The following HS3ST5 variants were observed in gnomAD, a reference collection of about 807,000 sequenced individuals.
HS3ST5 encodes the protein heparan sulfate-glucosamine 3-sulfotransferase 5, also known as heparan sulfate glucosamine 3-O-sulfotransferase 5.
A neutral mutation model predicts 25.4 loss-of-function variants in HS3ST5; 10 were observed. That is an observed-to-expected ratio of 0.39 (90% CI 0.24 to 0.67). The LOEUF (loss-of-function observed/expected upper bound fraction) is 0.67, where lower values mean the gene tolerates loss of function less well. Among genes scored for constraint, HS3ST5 ranks in the 30% least tolerant of loss-of-function variants. The probability of loss-of-function intolerance (pLI) is 0.44; values close to 1 mark genes in which losing one functional copy is unlikely to be tolerated. For synonymous variants in HS3ST5, 170 were observed against 162.4 expected (o/e 1.05, Z -0.36); for missense variants, 324 against 420.7 (o/e 0.77, Z 2.01).
intron 3 of HS3ST5, among the ~76,000 whole-genome samples, chr6:114,087,968 T>A (rs1374004861): frequency 6.6e-6 from 1 of 152,198 alleles, no homozygotes; most frequent in Non-Finnish European, 1.5e-5. Flanking sequence ...CCCCTAGCCA[T>A]GAGCACAGCT....
At chr6:114,304,468 A>T (rs1402449260) in intron 1 of HS3ST5, among the ~76,000 whole-genome samples, 2 of 152,222 alleles carry the variant, frequency 1.3e-5, no homozygotes, top group South Asian at 2.1e-4. Flanking sequence ...TAATGCCTCT[A>T]TACAATACAT....
intron 1 of HS3ST5, among the ~76,000 whole-genome samples, chr6:114,312,659 A>G (rs2114849727): frequency 6.6e-6 from 1 of 152,296 alleles, no homozygotes; most frequent in African/African-American, 2.4e-5. Context: ...AGAAGTGGAA[A>G]AAAAATTCTT....
chr6:114,141,858 T>TTG (rs59862071), intron 3 of HS3ST5, among the ~76,000 whole-genome samples: 3,470 of 141,304 alleles, frequency 0.025, 128 homozygotes, highest in African/African-American at 0.085. Context: ...AGATGATAGT[T>TTG]TGTGTGTGTG....
At chr6:114,314,985 T>A (rs749591735) in intron 1 of HS3ST5, among the ~76,000 whole-genome samples, 2 of 152,182 alleles carry the variant, frequency 1.3e-5, no homozygotes, top group East Asian at 3.8e-4. Context: ...TTTTTTAAAG[T>A]AAGATTAAAA....
At chr6:114,310,788 A>T (rs1270665998) in intron 1 of HS3ST5, among the ~76,000 whole-genome samples, 1 of 152,166 alleles carries the variant, frequency 6.6e-6, no homozygotes, top group Non-Finnish European at 1.5e-5. Context: ...TAATGATATG[A>T]TTATATTCCC....
intron 4 of HS3ST5, among the ~76,000 whole-genome samples, chr6:114,061,125 A>G (rs1773092137): frequency 6.6e-6 from 1 of 152,242 alleles, no homozygotes. Context: ...GACTAGAGAC[A>G]GAGTTAAAAA....
intron 3 of HS3ST5, among the ~76,000 whole-genome samples, chr6:114,130,572 A>G (rs1469630283): frequency 6.6e-6 from 1 of 151,264 alleles, no homozygotes; most frequent in Non-Finnish European, 1.5e-5. Flanking sequence ...TGTTGTTACA[A>G]TTTTTTTTTC....
At chr6:114,109,763 C>T (rs1297540731) in intron 3 of HS3ST5, among the ~76,000 whole-genome samples, 1 of 152,194 alleles carries the variant, frequency 6.6e-6, no homozygotes, top group Non-Finnish European at 1.5e-5. Context: ...CTTTCTCACT[C>T]CCCAGTCTTC....
intron 1 of HS3ST5, among the ~76,000 whole-genome samples, chr6:114,275,153 A>G (rs1051636366): frequency 6.6e-6 from 1 of 151,152 alleles, no homozygotes; most frequent in African/African-American, 2.4e-5. Flanking sequence ...TCTACTTTGC[A>G]TTTGTTGTTA....
At position 114,283,648 on chromosome 6, in the gene HS3ST5, C is replaced by T. The variant is rs535638309; in HGVS notation, c.-338-54870G>A. Among the ~76,000 whole-genome samples the T allele has an allele frequency of 2.6e-5, 4 of 151,644 alleles. No individual in the cohort carries two copies. The South Asian group carries it at 8.3e-4, about 32-fold the overall frequency. ...CAATGCAGACAGTCAAATTATCTTC[C>T]ATTCCTACACAGTGAATCTGTTCTT... On this transcript the variant is annotated intron_variant, in intron 1 of 4. Coordinates refer to ENST00000312719, the MANE Select transcript of HS3ST5 (RefSeq NM_153612.4).
chr6:114,066,672 A>G (rs1172888683), intron 3 of HS3ST5, among the ~76,000 whole-genome samples: 1 of 152,120 alleles, frequency 6.6e-6, no homozygotes, highest in Non-Finnish European at 1.5e-5. Context: ...CAAAAAAATT[A>G]GAATAAAGTT....
At chr6:114,098,481 T>G (rs754408150) in intron 3 of HS3ST5, among the ~76,000 whole-genome samples, 161 of 149,134 alleles carry the variant, frequency 1.1e-3, no homozygotes, top group Non-Finnish European at 1.9e-3. Context: ...CTCAAATTAT[T>G]TTTCCTCAAG....
At chr6:114,089,165 C>T (rs899912821) in intron 3 of HS3ST5, 18 of 152,208 alleles carry the variant, frequency 1.2e-4, no homozygotes, top group Non-Finnish European at 7.3e-5. Flanking sequence ...TATTTTCATT[C>T]TACCATGTAG....
chr6:114,170,040 T>C (rs1779404365), intron 2 of HS3ST5, among the ~76,000 whole-genome samples: 1 of 152,188 alleles, frequency 6.6e-6, no homozygotes. Flanking sequence ...ACTTCAGCTT[T>C]ATCAGCTCTT....
At chr6:114,292,459 C>T (rs1774622052) in intron 1 of HS3ST5, among the ~76,000 whole-genome samples, 1 of 152,160 alleles carries the variant, frequency 6.6e-6, no homozygotes, top group Non-Finnish European at 1.5e-5. Context: ...ACCCAAACAC[C>T]TCCCAAAAGT....
intron 2 of HS3ST5, among the ~76,000 whole-genome samples, chr6:114,207,721 G>A (rs1219443318): frequency 6.6e-6 from 1 of 151,982 alleles, no homozygotes; most frequent in African/African-American, 2.4e-5. Context: ...AAATCTTGGT[G>A]ATACATAATA....
intron 1 of HS3ST5, among the ~76,000 whole-genome samples, chr6:114,312,096 T>C (rs1423519132): frequency 6.6e-6 from 1 of 152,210 alleles, no homozygotes; most frequent in Non-Finnish European, 1.5e-5. Context: ...GCAAAACTAA[T>C]ACATATATTT....
In HS3ST5 at chr6:114,058,582, G is replaced by GCAGGGAGGC. The variant is rs1219102708; in HGVS notation, c.108-401_108-393dup. ...TCTTCAGCTGGGAGGTGGAAGGGTA[G>GCAGGGAGGC]CAGGGAGGCCATGTGTTTCACATTT... On this transcript the variant is annotated intron_variant, in intron 4 of 4. Transcript: ENST00000312719. 3 of 168,274 alleles carry GCAGGGAGGC rather than the reference G, an allele frequency of 1.8e-5. No homozygotes were observed. The East Asian group carries it at 4.8e-4, about 27-fold the overall frequency. 10.4% of individuals were successfully genotyped at this position (168,274 alleles called of 1,614,324 possible). A position where few individuals can be genotyped will look rare whatever the true frequency, so the allele number is the denominator to read the frequency against.
chr6:114,132,179 T>G (rs886684545), intron 3 of HS3ST5: 1 of 152,214 alleles, frequency 6.6e-6, no homozygotes, highest in African/African-American at 2.4e-5. Flanking sequence ...GTGCATGGTA[T>G]GGTATAGACA....
Sources: gnomAD v4.1 joint callset for allele counts (sites outside exome capture counted in the v4.1 genomes callset) on GRCh38, gnomAD v4.1.1 for gene constraint, MANE v1.5 for transcripts, NCBI Gene and HGNC (gene_info 2026-07-23, HGNC 2026-07-21) for gene names.